STX1A: variants seen among roughly 807,000 people sequenced by gnomAD.
STX1A encodes syntaxin 1A.
In STX1A, 4 loss-of-function variants were observed where a neutral mutation model predicts 37.8. That is an observed-to-expected ratio of 0.11 (90% confidence interval 0.05 to 0.24). The LOEUF (loss-of-function observed/expected upper bound fraction) is 0.24. Among genes scored for constraint, STX1A ranks in the 10% least tolerant of loss-of-function variants. The probability of loss-of-function intolerance (pLI) is 1.00; values close to 1 mark genes in which losing one functional copy is unlikely to be tolerated. For missense variants in STX1A, 251 were observed against 399.9 expected (o/e 0.63, Z 3.18); for synonymous variants, 135 against 147.4 (o/e 0.92, Z 0.61).
At chr7:73,715,483 C>T (rs1219970374) in intron 1 of STX1A, among the ~76,000 whole-genome samples, 3 of 152,072 alleles carry the variant, frequency 2.0e-5, no homozygotes, top group African/African-American at 7.2e-5. Flanking sequence ...GGAGGGAGTG[C>T]TCCTTACCTC....
In STX1A at chr7:73,700,572, G is replaced by A. The variant is rs1433232385; in HGVS notation, c.790-88C>T. On this transcript the variant is annotated intron_variant, in intron 9 of 9. Transcript: ENST00000222812. This position sits in a 1 kb window ranked among gnomAD's most constrained non-coding sequence, Gnocchi z 4.4. ...GGCAAAGGCTGAGGACTGGACAGTC[G>A]GGGGGGATCCAAGCAGGGGAAGGTG... The A allele has an allele frequency of 4.0e-5, 61 of 1,508,458 alleles. No homozygotes were observed. Among genetic ancestry groups the A allele is most frequent in the Middle Eastern group, 1.7e-4 (1 of 5,892 alleles). 93.4% of individuals were successfully genotyped at this position (1,508,458 alleles called of 1,614,324 possible). A position where few individuals can be genotyped will look rare whatever the true frequency, so the allele number is the denominator to read the frequency against.
rs930291949 is a variant in STX1A, at chr7:73,704,346, G to A, written c.357+4C>T. On this transcript the variant is annotated splice_donor_region_variant and intron_variant, in intron 5 of 9. Transcript: ENST00000222812. ...CCCGCCCATCCTAGACTCCGTGGCCGCACCTGTGTCTTCCGGATCCTCAGG... is the reference window on the plus strand; with the variant it reads ...CCCGCCCATCCTAGACTCCGTGGCCACACCTGTGTCTTCCGGATCCTCAGG... 5 of 1,614,102 alleles carry A rather than the reference G, an allele frequency of 3.1e-6. No individual in the cohort carries two copies. The highest frequency in any genetic ancestry group is 2.2e-5 in the South Asian group (2 of 91,080).
rs1798702423 is a variant in STX1A, at chr7:73,702,650, C to T, written c.678+195G>A. ...TGCAGGGCCTGGGGTCCTTGAAGCT[C>T]AAGCAGAGCCATGCAGAGGACAGGG... On this transcript the variant is annotated intron_variant, in intron 8 of 9. Transcript: ENST00000222812. The surrounding 1 kb of genome is among the most constrained non-coding windows in gnomAD (Gnocchi z 4.7). The T allele has an allele frequency of 6.9e-7, 1 of 1,441,504 alleles. No individual in the cohort carries two copies. The highest frequency in any genetic ancestry group is 9.1e-7 in the Non-Finnish European group (1 of 1,095,580). 89.3% of individuals were successfully genotyped at this position (1,441,504 alleles called of 1,614,324 possible).
At chr7:73,716,987 G>GC (rs797044299) in intron 1 of STX1A, among the ~76,000 whole-genome samples, 9 of 152,244 alleles carry the variant, frequency 5.9e-5, no homozygotes, top group African/African-American at 2.2e-4. Context: ...CAGCATTGAG[G>GC]CCCCCTGGCT....
In STX1A at chr7:73,704,198, G is replaced by A. The variant is rs1438131669; in HGVS notation, c.416C>T (p.Ser139Phe). 5.0e-6 allele frequency: 8 copies of A among 1,613,544 alleles called. No homozygotes were observed. In the East Asian group the frequency reaches 1.6e-4, roughly 31 times the overall value. The change falls in exon 6 of 10, where the codon TCC becomes TTC. Residue 139 changes from serine to phenylalanine, a missense_variant. By Grantham distance (155) the Ser-to-Phe change is radical. Around this residue, in one of 2 missense-constraint regions of STX1A, gnomAD observed 214 missense variants for 367.6 expected, o/e 0.58. Transcript: ENST00000222812. ...EVMSEYNATQ[S>F]DYRERCKGRI... ...GCCTTTGCAGCGCTCGCGGTAGTCGGACTGCGTGGCGTTGTACTCCGACAT... is the reference window on the plus strand; with the variant it reads ...GCCTTTGCAGCGCTCGCGGTAGTCGAACTGCGTGGCGTTGTACTCCGACAT...
intron 3 of STX1A, 134 bp downstream of exon 3, chr7:73,708,455 C>T (rs371659885): frequency 2.2e-5 from 18 of 817,412 alleles, no homozygotes; most frequent in Non-Finnish European, 3.3e-5. Context: ...GAAACCCTCC[C>T]GACCCTGGCC....
At chr7:73,703,943 G>A in intron 6 of STX1A, 115 bp from the exon 7 acceptor site, 1 of 1,240,278 alleles carries the variant, frequency 8.1e-7, no homozygotes, top group Non-Finnish European at 1.1e-6. Flanking sequence ...GAGCTCAGCG[G>A]CAGCCTCAGG....
chr7:73,710,255 G>A (rs1376205902), intron 1 of STX1A, among the ~76,000 whole-genome samples: 7 of 152,336 alleles, frequency 4.6e-5, no homozygotes, highest in South Asian at 4.1e-4. Flanking sequence ...AGCATGCTGC[G>A]CACAATTATT....
In STX1A at chr7:73,704,089, G is replaced by A. The variant is rs556282477; in HGVS notation, c.466+59C>T. On this transcript the variant is annotated intron_variant, in intron 6 of 9. Transcript: ENST00000222812. ...GCCTTGAGCCACGCACTCAGCAGCA[G>A]ACTCGGGCCCCGCCCCTCCAGGCTC... The A allele has an allele frequency of 3.4e-5, 51 of 1,515,022 alleles. No individual in the cohort carries two copies. In the East Asian group the frequency reaches 1.1e-3, roughly 33 times the overall value. The allele number at this position is 1,515,022 out of a possible 1,614,324, so 93.8% of individuals were successfully genotyped here.
intron 4 of STX1A, 104 bp from the exon 5 acceptor site, chr7:73,704,527 T>G: frequency 7.0e-7 from 1 of 1,423,438 alleles, no homozygotes. Flanking sequence ...CTAGGGTATG[T>G]GTGTGGCCTG....
intron 1 of STX1A, among the ~76,000 whole-genome samples, chr7:73,713,541 C>T (rs953815639): frequency 1.3e-5 from 2 of 152,192 alleles, no homozygotes; most frequent in Admixed American, 1.3e-4. Context: ...CCAGCCAGGG[C>T]AACATAGCAA....
At chr7:73,718,100 G>A (rs952982286) in intron 1 of STX1A, among the ~76,000 whole-genome samples, 12 of 152,130 alleles carry the variant, frequency 7.9e-5, no homozygotes, top group Admixed American at 5.2e-4. Context: ...ACAGCCATCC[G>A]TCACCAGGAA....
chr7:73,718,945 C>T (rs1563582772), intron 1 of STX1A, among the ~76,000 whole-genome samples: 1 of 140,462 alleles, frequency 7.1e-6, no homozygotes, highest in Non-Finnish European at 1.5e-5. Flanking sequence ...ATAGGTGGAC[C>T]GGGGGCGGGT....
In STX1A at chr7:73,702,661, A is replaced by G; in HGVS notation, c.678+184T>C. On this transcript the variant is annotated intron_variant, in intron 8 of 9. Transcript: ENST00000222812. This position sits in a 1 kb window ranked among gnomAD's most constrained non-coding sequence, Gnocchi z 4.7. ...GGGTCCTTGAAGCTCAAGCAGAGCC[A>G]TGCAGAGGACAGGGACCTTCGGGTC... The G allele has an allele frequency of 6.8e-7, 1 of 1,463,516 alleles. No homozygotes were observed. The highest frequency in any genetic ancestry group is 1.4e-5 in the South Asian group (1 of 71,684). 90.7% of individuals were successfully genotyped at this position (1,463,516 alleles called of 1,614,324 possible).
chr7:73,709,581 C>G lies in STX1A; in HGVS notation c.31-459G>C, dbSNP rs1554617657. Among the ~76,000 whole-genome samples the G allele has an allele frequency of 1.3e-5, 2 of 152,232 alleles. No individual in the cohort carries two copies. Among genetic ancestry groups the G allele is most frequent in the African/African-American group, 4.8e-5 (2 of 41,460 alleles). On this transcript the variant is annotated intron_variant, in intron 1 of 9. Coordinates refer to ENST00000222812, the MANE Select transcript of STX1A (RefSeq NM_004603.4). The surrounding 1 kb of genome is among the most constrained non-coding windows in gnomAD (Gnocchi z 4.2). ...ACACATCTGTAGAGTTGAGGTCTTG[C>G]TGTGTCACCCAGGCTGGAGTGCAGG...
At chr7:73,716,892 GGC>G (rs1470053453) in intron 1 of STX1A, among the ~76,000 whole-genome samples, 2 of 152,142 alleles carry the variant, frequency 1.3e-5, no homozygotes, top group Non-Finnish European at 2.9e-5. Context: ...GTCTTTCCCT[GGC>G]TGTGTGACCC....
At position 73,712,012 on chromosome 7, in the gene STX1A, C is replaced by T. The variant is rs566149941; in HGVS notation, c.31-2890G>A. ...CAGAAGGGCTGGGAGGAGAGATGCC[C>T]GCATCCTCCTCTGGACCCTCCGTCT... On this transcript the variant is annotated intron_variant, in intron 1 of 9. Transcript: ENST00000222812. 5.3e-5 allele frequency among the ~76,000 whole-genome samples: 8 copies of T among 152,148 alleles called. No homozygotes were observed. The East Asian group carries it at 7.8e-4, about 15-fold the overall frequency.
rs558198939 is a variant in STX1A at position 73,709,210 on chromosome 7, T to G, written c.31-88A>C. On this transcript the variant is annotated intron_variant, in intron 1 of 9. Coordinates refer to ENST00000222812, the MANE Select transcript of STX1A (RefSeq NM_004603.4). The surrounding 1 kb of genome is among the most constrained non-coding windows in gnomAD (Gnocchi z 4.2). ...TGCCCAGGGTACAGCGCCAGGGCCC[T>G]GCCCCTCCCCCTCTCCCTGGGGGCC... 9,760 of 913,224 alleles carry G rather than the reference T, an allele frequency of 0.011. 1 individual carries two copies. Among genetic ancestry groups the G allele is most frequent in the Non-Finnish European group, 0.014 (8,227 of 587,936 alleles). 56.6% of individuals were successfully genotyped at this position (913,224 alleles called of 1,614,324 possible).
intron 3 of STX1A, among the ~76,000 whole-genome samples, chr7:73,707,611 A>C (rs934078161): frequency 6.6e-6 from 1 of 152,208 alleles, no homozygotes; most frequent in Non-Finnish European, 1.5e-5. Flanking sequence ...CAGTTGCCTT[A>C]GAAAAAAGCC....
Sources: gnomAD v4.1 joint callset for allele counts (sites outside exome capture counted in the v4.1 genomes callset) on GRCh38, gnomAD v4.1.1 for gene constraint, gnomAD v4.1.1 regional missense constraint, Gnocchi (gnomAD v3.1) non-coding constraint, MANE v1.5 for transcripts, NCBI Gene and HGNC (gene_info 2026-07-23, HGNC 2026-07-21) for gene names.